CTNNA2: variants seen among roughly 807,000 people sequenced by gnomAD.
CTNNA2 encodes catenin alpha-2.
A neutral mutation model predicts 101.0 loss-of-function variants in CTNNA2; 42 were observed. The observed-to-expected ratio is 0.42, with a 90% confidence interval of 0.32 to 0.54. The LOEUF (loss-of-function observed/expected upper bound fraction) is 0.54, where lower values mean the gene tolerates loss of function less well. Ranked by LOEUF, CTNNA2 falls within the 20% of genes least tolerant of loss-of-function variation. The pLI, the probability that CTNNA2 is intolerant of heterozygous loss-of-function variation, is 0.14. For missense variants in CTNNA2, 871 were observed against 1,223.1 expected, an observed-to-expected ratio of 0.71 and a Z score of 4.29; for synonymous variants, 450 against 456.4, an observed-to-expected ratio of 0.99 and a Z score of 0.18.
At chr2:80,199,987 C>T (rs1400870140) in intron 7 of CTNNA2, among the ~76,000 whole-genome samples, 1 of 152,156 alleles carries the variant, frequency 6.6e-6, no homozygotes. Context: ...ACCTATGTTT[C>T]TGACTTTCCT....
intron 1 of CTNNA2, among the ~76,000 whole-genome samples, chr2:79,651,314 A>G (rs1681232422): frequency 6.6e-6 from 1 of 152,190 alleles, no homozygotes; most frequent in Non-Finnish European, 1.5e-5. Context: ...ATTGGGTCCC[A>G]AAAGCAGGCC....
intron 7 of CTNNA2, chr2:80,304,209 A>C: frequency 6.0e-6 from 1 of 166,248 alleles, no homozygotes. Context: ...CAGGCTAATT[A>C]TATGCAGGGC....
At chr2:80,536,182 A>T (rs1432443272) in intron 9 of CTNNA2, among the ~76,000 whole-genome samples, 1 of 152,158 alleles carries the variant, frequency 6.6e-6, no homozygotes, top group Non-Finnish European at 1.5e-5. Flanking sequence ...CGTGTGTACT[A>T]ATTACATCAG....
At chr2:79,435,318 G>C (rs899857503) in intron 4 of CTNNA2, among the ~76,000 whole-genome samples, 3 of 152,172 alleles carry the variant, frequency 2.0e-5, no homozygotes, top group African/African-American at 7.2e-5. Flanking sequence ...TTAATGTTCA[G>C]AGTGCAGAGC....
rs1348736489 is a variant in CTNNA2, at chr2:79,639,254, A to G, written c.-5-12298A>G. On this transcript the variant is annotated intron_variant, in intron 1 of 18. Transcript: ENST00000402739. ...CAGAACAAAGCTCATCTCTCTAATC[A>G]ATATTAAGCATGTCTAATTCACTTT... Among the ~76,000 whole-genome samples, 3 of 152,196 alleles carry G rather than the reference A, an allele frequency of 2.0e-5. No individual in the cohort carries two copies. The East Asian group carries it at 5.8e-4, about 29-fold the overall frequency.
chr2:79,956,313 T>A (rs1165891123), intron 7 of CTNNA2, among the ~76,000 whole-genome samples: 1 of 152,160 alleles, frequency 6.6e-6, no homozygotes, highest in East Asian at 1.9e-4. Context: ...TACAAAATAC[T>A]TTCCTTTTAA....
intron 1 of CTNNA2, among the ~76,000 whole-genome samples, chr2:79,561,390 T>C (rs2104131507): frequency 6.6e-6 from 1 of 152,082 alleles, no homozygotes; most frequent in Non-Finnish European, 1.5e-5. Context: ...TGAGCATTAG[T>C]ACACAAGTTT....
intron 7 of CTNNA2, among the ~76,000 whole-genome samples, chr2:80,313,090 G>A (rs770205565): frequency 6.6e-6 from 1 of 152,126 alleles, no homozygotes; most frequent in Non-Finnish European, 1.5e-5. Context: ...CATTAGCCCA[G>A]CAAAGCCAAA....
chr2:80,054,943 T>TTTTTTTATAATATCTAAATTTTTA (rs1697122065), intron 7 of CTNNA2, among the ~76,000 whole-genome samples: 2 of 152,176 alleles, frequency 1.3e-5, no homozygotes, highest in South Asian at 4.2e-4. Context: ...GTGGGAAGAA[T>TTTTTTTATAATATCTAAATTTTTA]GGTGCTATTT....
intron 7 of CTNNA2, among the ~76,000 whole-genome samples, chr2:80,383,797 C>G (rs1676740178): frequency 6.6e-6 from 1 of 152,154 alleles, no homozygotes; most frequent in Admixed American, 6.5e-5. Flanking sequence ...ACCATTCAAC[C>G]TAGCAATTTC....
chr2:79,741,542 T>G (rs1276087600), intron 2 of CTNNA2, among the ~76,000 whole-genome samples: 1 of 152,210 alleles, frequency 6.6e-6, no homozygotes, highest in Non-Finnish European at 1.5e-5. Flanking sequence ...TGTTCTTCAC[T>G]AAAATGTTAT....
At chr2:80,500,161 G>A (rs1390588158) in intron 9 of CTNNA2, among the ~76,000 whole-genome samples, 4 of 152,090 alleles carry the variant, frequency 2.6e-5, no homozygotes, top group African/African-American at 9.7e-5. Flanking sequence ...GAATAAATAA[G>A]TAGATACTTT....
chr2:79,964,570 GA>G (rs961646204), intron 7 of CTNNA2, among the ~76,000 whole-genome samples: 1 of 152,062 alleles, frequency 6.6e-6, no homozygotes, highest in Admixed American at 6.5e-5. Flanking sequence ...TCTAGTTTAT[GA>G]AAAAAAGATG....
At chr2:80,316,155 AG>A (rs1558999537) in intron 7 of CTNNA2, among the ~76,000 whole-genome samples, 1 of 152,208 alleles carries the variant, frequency 6.6e-6, no homozygotes, top group African/African-American at 2.4e-5. Flanking sequence ...GAACAAACAC[AG>A]GTTTATACAG....
At chr2:79,421,020 A>G (rs898066580) in intron 4 of CTNNA2, among the ~76,000 whole-genome samples, 35 of 152,168 alleles carry the variant, frequency 2.3e-4, no homozygotes, top group African/African-American at 8.2e-4. Flanking sequence ...AATTTAAAAA[A>G]GGAAATGAGA....
chr2:80,281,573 C>T (rs962073573), intron 7 of CTNNA2, among the ~76,000 whole-genome samples: 3 of 150,874 alleles, frequency 2.0e-5, no homozygotes, highest in African/African-American at 7.3e-5. Flanking sequence ...TCTTTATTCC[C>T]TCTCTATTTA....
chr2:80,236,938 G>T lies in CTNNA2; in HGVS notation c.1057-156273G>T, dbSNP rs538161354. Reference sequence around the variant, plus strand: ...AAGCTTTTTCAAACCTCTGTTTTAAGAGGGAAAGCAAAGAGAAGGAAGCTT... The same window carrying T: ...AAGCTTTTTCAAACCTCTGTTTTAATAGGGAAAGCAAAGAGAAGGAAGCTT... On this transcript the variant is annotated intron_variant, in intron 7 of 18. Transcript: ENST00000402739. Among the ~76,000 whole-genome samples the T allele has an allele frequency of 1.3e-3, 191 of 152,300 alleles. 1 individual carries two copies. Among genetic ancestry groups the T allele is most frequent in the Non-Finnish European group, 1.9e-3 (130 of 68,028 alleles).
intron 4 of CTNNA2, among the ~76,000 whole-genome samples, chr2:79,455,594 T>A (rs1394992830): frequency 1.3e-5 from 2 of 152,326 alleles, no homozygotes; most frequent in Middle Eastern, 3.4e-3. Context: ...TACACGTACC[T>A]TTGCAAACAT....
At chr2:80,130,075 CA>C (rs1702332641) in intron 7 of CTNNA2, among the ~76,000 whole-genome samples, 1 of 152,068 alleles carries the variant, frequency 6.6e-6, no homozygotes, top group African/African-American at 2.4e-5. Flanking sequence ...GAAATTGAGG[CA>C]GACCAAAGTG....
Sources: allele counts gnomAD v4.1 joint callset (sites outside exome capture counted in the v4.1 genomes callset), GRCh38; gene constraint gnomAD v4.1.1; transcripts MANE v1.5; gene names NCBI Gene and HGNC (gene_info 2026-07-23, HGNC 2026-07-21).